The following CFAP20DC variants were observed in gnomAD, a reference collection of about 807,000 sequenced individuals.
The protein encoded by CFAP20DC is protein CFAP20DC.
A neutral mutation model predicts 101.7 loss-of-function variants in CFAP20DC; 84 were observed. That is an observed-to-expected ratio of 0.83 (90% CI 0.69 to 0.99). The LOEUF is 0.99. Ranked by LOEUF, CFAP20DC falls within the 50% of genes least tolerant of loss-of-function variation. The pLI is 0.00. For missense variants in CFAP20DC, 1,007 were observed against 970.3 expected, an observed-to-expected ratio of 1.04 and a Z score of -0.50; for synonymous variants, 359 against 351.2, an observed-to-expected ratio of 1.02 and a Z score of -0.25.
chr3:58,847,395 G>T (rs1298186831), intron 13 of CFAP20DC, among the ~76,000 whole-genome samples: 2 of 151,502 alleles, frequency 1.3e-5, no homozygotes, highest in Admixed American at 6.6e-5. Flanking sequence ...CATTTATGCA[G>T]CCAAAAAAAC....
intron 7 of CFAP20DC, among the ~76,000 whole-genome samples, chr3:58,880,297 T>C (rs1023186024): frequency 6.6e-6 from 1 of 152,174 alleles, no homozygotes; most frequent in Non-Finnish European, 1.5e-5. Flanking sequence ...TTTTTATTTC[T>C]ATCAATGAGA....
chr3:58,727,095 C>T (rs2067564334), intron 3 of CFAP20DC: 4 of 203,332 alleles, frequency 2.0e-5, no homozygotes, highest in Non-Finnish European at 4.1e-5. Flanking sequence ...GGCTCCACCT[C>T]CCATAGGGGG....
At chr3:58,733,212 G>T (rs1431859192) in intron 3 of CFAP20DC, among the ~76,000 whole-genome samples, 1 of 152,088 alleles carries the variant, frequency 6.6e-6, no homozygotes, top group Admixed American at 6.5e-5. Context: ...CATGCCTGTA[G>T]TCCCAGCTAC....
At chr3:58,830,154 A>G (rs2076300173) in intron 14 of CFAP20DC, among the ~76,000 whole-genome samples, 1 of 152,212 alleles carries the variant, frequency 6.6e-6, no homozygotes. Flanking sequence ...TGAAAGCACA[A>G]CTGAGGCAAG....
intron 6 of CFAP20DC, among the ~76,000 whole-genome samples, chr3:58,909,276 A>G (rs2083908055): frequency 6.6e-6 from 1 of 152,110 alleles, no homozygotes; most frequent in Non-Finnish European, 1.5e-5. Context: ...TGAAAACTCT[A>G]TACTGTCCGC....
At chr3:58,813,085 G>C (rs1057191059) in intron 14 of CFAP20DC, among the ~76,000 whole-genome samples, 3 of 151,808 alleles carry the variant, frequency 2.0e-5, no homozygotes, top group African/African-American at 4.9e-5. Context: ...AATTACACAT[G>C]TAAATCTTAG....
chr3:58,741,072 C>A (rs958375554), downstream of CFAP20DC, among the ~76,000 whole-genome samples: 1 of 152,152 alleles, frequency 6.6e-6, no homozygotes, highest in African/African-American at 2.4e-5. Context: ...GTAAAAAGAG[C>A]TCTTACTTCC....
intron 14 of CFAP20DC, among the ~76,000 whole-genome samples, chr3:58,810,143 A>T (rs1056334152): frequency 6.6e-6 from 1 of 152,184 alleles, no homozygotes; most frequent in Non-Finnish European, 1.5e-5. Context: ...AACTGGTACC[A>T]TTCCTTCTGA....
chr3:58,866,290 A>G (rs1303793937), intron 11 of CFAP20DC, among the ~76,000 whole-genome samples: 1 of 152,202 alleles, frequency 6.6e-6, no homozygotes, highest in Admixed American at 6.5e-5. Flanking sequence ...ACAACTGGTC[A>G]TCTTTGGGGA....
intron 4 of CFAP20DC, among the ~76,000 whole-genome samples, chr3:59,021,815 CAG>C (rs748644551): frequency 4.0e-5 from 6 of 151,034 alleles, no homozygotes; most frequent in Non-Finnish European, 7.4e-5. Flanking sequence ...AAGAGAGAGA[CAG>C]AGAGAGAGAG....
At chr3:58,779,206 AC>A (rs2071608807) in intron 15 of CFAP20DC, among the ~76,000 whole-genome samples, 1 of 152,236 alleles carries the variant, frequency 6.6e-6, no homozygotes. Flanking sequence ...ATTCTGAAAA[AC>A]AATATAAAAA....
chr3:58,762,406 C>T lies in CFAP20DC; in HGVS notation c.2238-8543G>A, dbSNP rs9822713. Among the ~76,000 whole-genome samples, 1,507 of 152,198 alleles carry T rather than the reference C, an allele frequency of 9.9e-3. 24 individuals carry two copies. Among genetic ancestry groups the T allele is most frequent in the African/African-American group, 0.035 (1,454 of 41,526 alleles). On this transcript the variant is annotated intron_variant, in intron 15 of 16. Transcript: ENST00000482387. ...ATTTGCTTGGTAGATCTCCCTCCAT[C>T]CTTTTATTTTGAGCCTGTGTGTGTC...
At chr3:58,816,769 G>C (rs959447465) in intron 14 of CFAP20DC, among the ~76,000 whole-genome samples, 1 of 152,132 alleles carries the variant, frequency 6.6e-6, no homozygotes. Flanking sequence ...CAGGAAGCTC[G>C]AACTGGGTGG....
chr3:59,030,825 T>C (rs1290201258), intron 4 of CFAP20DC, among the ~76,000 whole-genome samples: 1 of 152,152 alleles, frequency 6.6e-6, no homozygotes, highest in African/African-American at 2.4e-5. Flanking sequence ...GTTTTTGTTT[T>C]TGTTTTTGTT....
intron 4 of CFAP20DC, among the ~76,000 whole-genome samples, chr3:58,948,757 T>G (rs1158222218): frequency 6.6e-6 from 1 of 152,038 alleles, no homozygotes; most frequent in Non-Finnish European, 1.5e-5. Flanking sequence ...TCTCTTTTTT[T>G]GTTGTGTCTC....
Position 58,793,899 on chromosome 3 carries a change from C to G in CFAP20DC, c.2237+12496G>C, listed in dbSNP as rs1439608860. Among the ~76,000 whole-genome samples the G allele has an allele frequency of 2.6e-5, 4 of 152,162 alleles. No individual in the cohort carries two copies. The East Asian group carries it at 7.7e-4, about 29-fold the overall frequency. ...GGTTCCACTGCTTTAAAATTGTTCA[C>G]TACTAATTCAACAGAAAATATTTTA... On this transcript the variant is annotated intron_variant, in intron 15 of 16. Coordinates refer to ENST00000482387, the MANE Select transcript of CFAP20DC (RefSeq NM_001394063.1).
chr3:58,900,266 C>A (rs921837166), intron 6 of CFAP20DC, among the ~76,000 whole-genome samples: 3 of 152,184 alleles, frequency 2.0e-5, no homozygotes, highest in African/African-American at 7.2e-5. Context: ...TTTAGTACAG[C>A]ACCTGGTTCA....
Position 58,816,212 on chromosome 3 carries a change from G to C in CFAP20DC, c.2176-9756C>G, listed in dbSNP as rs2075118261. Among the ~76,000 whole-genome samples the C allele has an allele frequency of 2.6e-5, 4 of 152,042 alleles. No individual in the cohort carries two copies. In the South Asian group the frequency reaches 8.3e-4, roughly 32 times the overall value. On this transcript the variant is annotated intron_variant, in intron 14 of 16. Coordinates refer to ENST00000482387, the MANE Select transcript of CFAP20DC (RefSeq NM_001394063.1). ...ATGATGAGTTCATGTCCTTTGTAGG[G>C]ACATGGATGAGACTGGAAATCATCA... is the stretch of plus-strand genomic sequence containing the variant.
intron 13 of CFAP20DC, among the ~76,000 whole-genome samples, chr3:58,835,819 G>C (rs754455312): frequency 1.3e-5 from 2 of 152,112 alleles, no homozygotes; most frequent in African/African-American, 2.4e-5. Flanking sequence ...AAGAAGCTTT[G>C]CAATAAAGTC....
Sources: allele counts gnomAD v4.1 joint callset (sites outside exome capture counted in the v4.1 genomes callset), GRCh38; gene constraint gnomAD v4.1.1; transcripts MANE v1.5; gene names NCBI Gene and HGNC (gene_info 2026-07-23, HGNC 2026-07-21).